The following ANKRD33 variants were observed in gnomAD, a reference collection of about 807,000 sequenced individuals.
ANKRD33 encodes the protein ankyrin repeat domain 33.
Under a neutral mutation model 20.6 loss-of-function variants are expected in ANKRD33, and 20 were observed. The observed-to-expected ratio is 0.97, with a 90% CI of 0.68 to 1.41. The LOEUF is 1.41. ANKRD33 is among the 40% of genes most tolerant of loss of function. The pLI, the probability that ANKRD33 is intolerant of heterozygous loss-of-function variation, is 0.00. For missense variants in ANKRD33, 545 were observed against 579.6 expected, an observed-to-expected ratio of 0.94 and a Z score of 0.61; for synonymous variants, 246 against 245.0, an observed-to-expected ratio of 1.00 and a Z score of -0.04.
intron 4 of ANKRD33, 75 bp downstream of exon 4, chr12:51,889,557 C>T: frequency 6.5e-7 from 1 of 1,550,172 alleles, no homozygotes; most frequent in Non-Finnish European, 8.7e-7. Context: ...AGTCCCTCCT[C>T]CAAGCCTTCC....
chr12:51,889,531 G>C (rs568593668), intron 4 of ANKRD33, 49 bp downstream of exon 4: 5 of 1,598,754 alleles, frequency 3.1e-6, no homozygotes, highest in Non-Finnish European at 8.5e-7. Flanking sequence ...GGCCTGGACC[G>C]GGGTGTGTGG....
In ANKRD33 at chr12:51,889,216, C is replaced by T. The variant is rs977754373; in HGVS notation, c.526+20C>T. ...AAGCAGGTGTGAGGCTGCTGCACCC[C>T]ACTTCCGACAGCCCCCTTTTGATGC... is the stretch of plus-strand genomic sequence containing the variant. On this transcript the variant is annotated intron_variant, in intron 3 of 4. Coordinates refer to ENST00000301190, the MANE Select transcript of ANKRD33 (RefSeq NM_182608.4). 1.9e-6 allele frequency: 3 copies of T among 1,613,934 alleles called. No homozygotes were observed. Among genetic ancestry groups the T allele is most frequent in the African/African-American group, 1.3e-5 (1 of 74,948 alleles).
At chr12:51,889,649 A>T in intron 4 of ANKRD33, 167 bp downstream of exon 4, 1 of 1,262,936 alleles carries the variant, frequency 7.9e-7, no homozygotes, top group Non-Finnish European at 1.1e-6. Context: ...ACCTTCCTGG[A>T]GGGGGGGGCA....
Position 51,888,265 on chromosome 12 carries a change from A to T in ANKRD33, c.79A>T (p.Ile27Phe). 1 of 1,591,574 alleles carries T rather than the reference A, an allele frequency of 6.3e-7. No individual in the cohort carries two copies. The highest frequency in any genetic ancestry group is 1.1e-5 in the South Asian group (1 of 90,588). ...VHLEAFGDPV[I>F]VLRGAWAVPR... ...CCTGGAGGCATTCGGAGACCCAGTGATTGTGCTCCGCGGAGCCTGGGCTGT... is the reference window on the plus strand; with the variant it reads ...CCTGGAGGCATTCGGAGACCCAGTGTTTGTGCTCCGCGGAGCCTGGGCTGT... Residue 27 changes from isoleucine (I) to phenylalanine (F), a missense_variant, in exon 1 of 5, where the codon ATT becomes TTT. Coordinates refer to ENST00000301190, the MANE Select transcript of ANKRD33 (RefSeq NM_182608.4).
intron 1 of ANKRD33, 65 bp downstream of exon 1, chr12:51,888,396 G>A: frequency 1.2e-6 from 2 of 1,603,452 alleles, no homozygotes; most frequent in South Asian, 1.1e-5. Context: ...AGTGAACCCT[G>A]CTTGCTTAGG....
chr12:51,891,348 C>T lies in ANKRD33; in HGVS notation c.*43C>T, dbSNP rs1329981394. ...CAGGCTGGGAACAGGTAATCAGGCC[C>T]CTCCCAGGGCTTCTTTCCCCTCTGG... On this transcript the variant is annotated 3_prime_UTR_variant, in exon 5 of 5. Transcript: ENST00000301190. 1 of 1,585,576 alleles carries T rather than the reference C, an allele frequency of 6.3e-7. No homozygotes were observed. Among genetic ancestry groups the T allele is most frequent in the Non-Finnish European group, 8.6e-7 (1 of 1,163,952 alleles).
rs767504465 is a variant in ANKRD33, at chr12:51,889,719, G to A, written c.637+237G>A. The A allele has an allele frequency of 1.0e-5, 8 of 763,470 alleles. No homozygotes were observed. In the East Asian group the frequency reaches 1.5e-4, roughly 14 times the overall value. The allele number at this position is 763,470 out of a possible 1,614,324, so 47.3% of individuals were successfully genotyped here. The stretch of plus-strand genomic sequence containing the variant: ...GCTATTGATAGCTCAGACATTGTGT[G>A]TGGAGGTCCCAGGAAGGAAAGTGTG... On this transcript the variant is annotated intron_variant, in intron 4 of 4. Transcript: ENST00000301190.
rs7963689 is a variant in ANKRD33, at chr12:51,889,286, A to C, written c.527-86A>C. 6,060 of 1,608,602 alleles carry C rather than the reference A, an allele frequency of 3.8e-3. 225 individuals carry two copies. In the African/African-American group the frequency reaches 0.07, roughly 19 times the overall value. Reference sequence around the variant, plus strand: ...CCCTTGTTGCACGGTGTTCTACACCAGACTCTGTCATGCTGGGTGGAGGGC... The same window carrying C: ...CCCTTGTTGCACGGTGTTCTACACCCGACTCTGTCATGCTGGGTGGAGGGC... On this transcript the variant is annotated intron_variant, in intron 3 of 4. Coordinates refer to ENST00000301190, the MANE Select transcript of ANKRD33 (RefSeq NM_182608.4).
chr12:51,890,774 G>C lies in ANKRD33; in HGVS notation c.828G>C (p.Gln276His). The change falls in exon 5 of 5, where the codon CAG becomes CAC. Residue 276 changes from glutamine to histidine, a missense_variant. Transcript: ENST00000301190. ...LSGLVAQAQA[Q>H]AQVAPSLLER... The stretch of plus-strand genomic sequence containing the variant: ...GGCTCGTGGCCCAGGCCCAGGCCCA[G>C]GCCCAGGTTGCCCCTTCACTCCTAG... The C allele has an allele frequency of 6.2e-7, 1 of 1,605,366 alleles. No individual in the cohort carries two copies. The highest frequency in any genetic ancestry group is 8.5e-7 in the Non-Finnish European group (1 of 1,179,432).
chr12:51,891,225 G>C lies in ANKRD33; in HGVS notation c.1279G>C (p.Ala427Pro). Residue 427 changes from alanine to proline, a missense_variant, in exon 5 of 5, where the codon GCC becomes CCC. By Grantham distance (27) the Ala-to-Pro change is conservative. Coordinates refer to ENST00000301190, the MANE Select transcript of ANKRD33 (RefSeq NM_182608.4). ...KPSPSGHQSL[A>P]LPLWRYQELR... ...CAGTCCTTCAGGACACCAAAGTCTG[G>C]CCCTTCCTCTCTGGCGATACCAGGA... The C allele has an allele frequency of 6.2e-7, 1 of 1,614,232 alleles. No individual in the cohort carries two copies. Among genetic ancestry groups the C allele is most frequent in the Non-Finnish European group, 8.5e-7 (1 of 1,180,042 alleles).
rs778305877 is a variant in ANKRD33 at position 51,888,683 on chromosome 12, G to A, written c.261G>A (p.Lys87=). Residue 87 remains lysine (K), a synonymous_variant, in exon 2 of 5, where the codon AAG becomes AAA. Transcript: ENST00000301190. Reference sequence around the variant, plus strand: ...CTGAGGCACTGCCCTGCCCGGGCAAGGAGACCCCCACCCCAGGCTGCAGGC... The same window carrying A: ...CTGAGGCACTGCCCTGCCCGGGCAAAGAGACCCCCACCCCAGGCTGCAGGC... The part of the protein sequence containing the change: ...DMSEALPCPG[K]ETPTPGCRLG... 1.2e-6 allele frequency: 2 copies of A among 1,612,688 alleles called. No homozygotes were observed. Among genetic ancestry groups the A allele is most frequent in the South Asian group, 2.2e-5 (2 of 90,846 alleles).
At chr12:51,890,109 A>T in intron 4 of ANKRD33, 1 of 252,736 alleles carries the variant, frequency 4.0e-6, no homozygotes, top group Non-Finnish European at 8.0e-6. Flanking sequence ...GGAGTGAAAA[A>T]GGAGTGAATG....
Position 51,891,012 on chromosome 12 carries a change from C to T in ANKRD33, c.1066C>T (p.Pro356Ser). ...LGTAPPPPLVPQSPPGSPQRS... is the reference protein window; with the variant it reads ...LGTAPPPPLVSQSPPGSPQRS... ...TACTGCCCCGCCCCCTCCCCTGGTT[C>T]CCCAGTCCCCGCCAGGGAGTCCCCA... Residue 356 changes from proline to serine, a missense_variant, in exon 5 of 5, where the codon CCC becomes TCC. By Grantham distance (74) the Pro-to-Ser change is moderately conservative. Transcript: ENST00000301190. 6.2e-7 allele frequency: 1 copy of T among 1,613,412 alleles called. No individual in the cohort carries two copies. The highest frequency in any genetic ancestry group is 1.1e-5 in the South Asian group (1 of 91,054).
Position 51,890,720 on chromosome 12 carries a change from C to G in ANKRD33, c.774C>G (p.His258Gln). 1 of 1,603,854 alleles carries G rather than the reference C, an allele frequency of 6.2e-7. No individual in the cohort carries two copies. The change falls in exon 5 of 5, where the codon CAC (histidine) becomes CAG (glutamine). Residue 258 changes from histidine to glutamine, a missense_variant. By Grantham distance (24) the His-to-Gln change is conservative. Transcript: ENST00000301190. ...CCCAAGTGGAGCAGCTTAGCCAGCA[C>G]TACAAGCCCGAGTGGCCGGCCTTGT... The part of the protein sequence containing the change: ...RRPQVEQLSQ[H>Q]YKPEWPALSG...
intron 4 of ANKRD33, 142 bp downstream of exon 4, chr12:51,889,624 G>C: frequency 7.1e-7 from 1 of 1,418,110 alleles, no homozygotes; most frequent in Non-Finnish European, 9.3e-7. Context: ...TGGAGATGGG[G>C]GATCAATCTA....
chr12:51,888,676 C>CG lies in ANKRD33; in HGVS notation c.257dup (p.Lys87GlnfsTer21), dbSNP rs1239408700. On this transcript the variant is annotated frameshift_variant, in exon 2 of 5. Transcript: ENST00000301190. ...GACATGTCTGAGGCACTGCCCTGCC[C>CG]GGGCAAGGAGACCCCCACCCCAGGC... is the stretch of plus-strand genomic sequence containing the variant. The CG allele has an allele frequency of 1.9e-6, 3 of 1,612,102 alleles. No individual in the cohort carries two copies. Among genetic ancestry groups the CG allele is most frequent in the Non-Finnish European group, 2.5e-6 (3 of 1,179,170 alleles).
Position 51,891,425 on chromosome 12 carries a change from C to A in ANKRD33, c.*120C>A. ...CTGCCTAAGTAAATCTGCTCTCAAC[C>A]TATATATATACAAGGTCATTCATTC... On this transcript the variant is annotated 3_prime_UTR_variant, in exon 5 of 5. Coordinates refer to ENST00000301190, the MANE Select transcript of ANKRD33 (RefSeq NM_182608.4). 7.3e-7 allele frequency: 1 copy of A among 1,369,546 alleles called. No homozygotes were observed. The highest frequency in any genetic ancestry group is 2.5e-5 in the East Asian group (1 of 39,792). The allele number at this position is 1,369,546 out of a possible 1,614,324, so 84.8% of individuals were successfully genotyped here.
Position 51,888,611 on chromosome 12 carries a change from C to G in ANKRD33, c.189C>G (p.Cys63Trp). Residue 63 changes from cysteine (C) to tryptophan (W), a missense_variant, in exon 2 of 5, where the codon TGC becomes TGG. Coordinates refer to ENST00000301190, the MANE Select transcript of ANKRD33 (RefSeq NM_182608.4). Reference sequence around the variant, plus strand: ...AAGGGACTCACCTTCTGGTTCCCTGCCTGGAAGAGGAAGAGCTGGCATTGC... The same window carrying G: ...AAGGGACTCACCTTCTGGTTCCCTGGCTGGAAGAGGAAGAGCTGGCATTGC... The part of the protein sequence containing the change: ...MRKGTHLLVP[C>W]LEEEELALHR... 1 of 1,573,754 alleles carries G rather than the reference C, an allele frequency of 6.4e-7. No homozygotes were observed. Among genetic ancestry groups the G allele is most frequent in the Non-Finnish European group, 8.6e-7 (1 of 1,161,210 alleles).
At chr12:51,890,438 A>T in intron 4 of ANKRD33, 146 bp from the exon 5 acceptor site, 2 of 1,529,598 alleles carry the variant, frequency 1.3e-6, no homozygotes, top group Non-Finnish European at 8.8e-7. Context: ...AGGTTGCAAC[A>T]CTGGCCTCCC....
Sources: allele counts gnomAD v4.1 joint callset, GRCh38; gene constraint gnomAD v4.1.1; transcripts MANE v1.5; gene names NCBI Gene and HGNC (gene_info 2026-07-23, HGNC 2026-07-21).